Variants in IL1RAPL1 observed in about 807,000 individuals in gnomAD.
IL1RAPL1 encodes the protein interleukin-1 receptor accessory protein-like 1.
A neutral mutation model predicts 48.4 loss-of-function variants in IL1RAPL1; 3 were observed. The observed-to-expected ratio is 0.06, with a 90% CI of 0.03 to 0.16. The LOEUF (loss-of-function observed/expected upper bound fraction) is 0.16, where lower values mean the gene tolerates loss of function less well. Among genes scored for constraint, IL1RAPL1 ranks in the 10% least tolerant of loss-of-function variants. IL1RAPL1 has a pLI of 1.00. For synonymous variants in IL1RAPL1, 185 were observed against 187.7 expected (o/e 0.99, Z 0.12); for missense variants, 349 against 530.6 (o/e 0.66, Z 3.36).
intron 5 of IL1RAPL1, among the ~76,000 whole-genome samples, chrX:29,539,222 T>C (rs1921349991): frequency 1.8e-5 from 2 of 111,704 alleles, no homozygotes; most frequent in South Asian, 3.8e-4. Flanking sequence ...CAAGATCAAG[T>C]AGATTTCATT....
intron 9 of IL1RAPL1, among the ~76,000 whole-genome samples, chrX:29,951,654 G>A (rs918299148): frequency 1.2e-4 from 13 of 111,844 alleles, no homozygotes; most frequent in East Asian, 2.8e-4. Context: ...TAGGTGGAAC[G>A]CGCATCTGAA....
chrX:29,313,771 G>A (rs989619985), intron 3 of IL1RAPL1, among the ~76,000 whole-genome samples: 20 of 111,734 alleles, frequency 1.8e-4, no homozygotes, highest in African/African-American at 5.9e-4. Flanking sequence ...ATCTCCTCCC[G>A]CAACTCTGCC....
chrX:28,706,427 T>G (rs915031081), intron 1 of IL1RAPL1, among the ~76,000 whole-genome samples: 1 of 110,775 alleles, frequency 9.0e-6, no homozygotes, highest in African/African-American at 3.3e-5. Flanking sequence ...TTTCTTTTTT[T>G]TTTTTGAGAC....
chrX:29,750,381 A>G (rs1453576670), intron 6 of IL1RAPL1, among the ~76,000 whole-genome samples: 1 of 110,997 alleles, frequency 9.0e-6, no homozygotes, highest in African/African-American at 3.3e-5. Flanking sequence ...ATTGTGAGTA[A>G]GTGGTTATAT....
At chrX:28,992,502 G>GAAAAAAAAAAAAAAAAAAAAA (rs60650174) in intron 2 of IL1RAPL1, among the ~76,000 whole-genome samples, 1 of 49,575 alleles carries the variant, frequency 2.0e-5, no homozygotes, top group Non-Finnish European at 3.8e-5. Flanking sequence ...AAAAAAAAAA[G>GAAAAAAAAAAAAAAAAAAAAA]AAAAAAAAAA....
At chrX:29,566,280 A>T (rs1223606833) in intron 5 of IL1RAPL1, among the ~76,000 whole-genome samples, 1 of 112,004 alleles carries the variant, frequency 8.9e-6, no homozygotes, top group African/African-American at 3.3e-5. Context: ...AAATGATATG[A>T]AATATTTATG....
At chrX:28,722,538 C>G (rs1287276361) in intron 1 of IL1RAPL1, among the ~76,000 whole-genome samples, 1 of 111,291 alleles carries the variant, frequency 9.0e-6, no homozygotes, top group Non-Finnish European at 1.9e-5. Context: ...CATCTGCAAA[C>G]AGGGACAATT....
intron 5 of IL1RAPL1, among the ~76,000 whole-genome samples, chrX:29,429,882 G>A (rs1418629136): frequency 2.2e-5 from 2 of 89,529 alleles, no homozygotes; most frequent in South Asian, 6.0e-4. Context: ...GTATATATAT[G>A]TGTGTGTGTG....
intron 3 of IL1RAPL1, among the ~76,000 whole-genome samples, chrX:29,291,636 C>T: frequency 9.0e-6 from 1 of 110,712 alleles, no homozygotes; most frequent in Non-Finnish European, 1.9e-5. Flanking sequence ...ACTCCCACTT[C>T]TTAATTAGGG....
chrX:29,097,426 G>C (rs2147461003), intron 2 of IL1RAPL1, among the ~76,000 whole-genome samples: 1 of 111,993 alleles, frequency 8.9e-6, no homozygotes, highest in South Asian at 3.7e-4. Context: ...TGTCTTAAAA[G>C]CATACACGAG....
chrX:29,669,807 G>A (rs1926096464), intron 6 of IL1RAPL1, among the ~76,000 whole-genome samples: 1 of 111,538 alleles, frequency 9.0e-6, no homozygotes, highest in Non-Finnish European at 1.9e-5. Context: ...CACATATGAA[G>A]CAAATAGGTG....
At chrX:29,029,035 C>T (rs1429979963) in intron 2 of IL1RAPL1, among the ~76,000 whole-genome samples, 2 of 111,437 alleles carry the variant, frequency 1.8e-5, no homozygotes, top group Non-Finnish European at 3.8e-5. Flanking sequence ...TGGTGGAAGG[C>T]AAAGGGGCAG....
chrX:29,010,212 C>A (rs1488271357), intron 2 of IL1RAPL1, among the ~76,000 whole-genome samples: 1 of 111,903 alleles, frequency 8.9e-6, no homozygotes, highest in Non-Finnish European at 1.9e-5. Flanking sequence ...TTGACTTCTT[C>A]TTTTCCTATT....
At chrX:29,278,000 A>T (rs1443915802) in intron 2 of IL1RAPL1, among the ~76,000 whole-genome samples, 1 of 111,860 alleles carries the variant, frequency 8.9e-6, no homozygotes, top group African/African-American at 3.2e-5. Flanking sequence ...GGCACTCAAA[A>T]AGTTTTGAAT....
intron 2 of IL1RAPL1, among the ~76,000 whole-genome samples, chrX:28,961,380 A>G (rs1256045446): frequency 5.4e-5 from 6 of 111,146 alleles, no homozygotes; most frequent in Non-Finnish European, 7.5e-5. Flanking sequence ...TGTGCTGATC[A>G]TGCAGGTTTG....
Position 29,350,191 on chromosome X carries a change from T to TTATATATATATATA in IL1RAPL1, c.363-46047_363-46034dup, listed in dbSNP as rs397897010. 2.1e-3 allele frequency among the ~76,000 whole-genome samples: 84 copies of TTATATATATATATA among 39,418 alleles called. 5 individuals are homozygous for TTATATATATATATA. The highest frequency in any genetic ancestry group is 0.012 in the African/African-American group (71 of 5,748). 34.2% of individuals were successfully genotyped at this position (39,418 alleles called of 115,157 possible). ...CTCCCTTGGTCTACATACTGTTATT[T>TTATATATATATATA]TATATATATATATATATATATATAT... On this transcript the variant is annotated intron_variant, in intron 3 of 10. Coordinates refer to ENST00000378993, the MANE Select transcript of IL1RAPL1 (RefSeq NM_014271.4).
At chrX:29,646,023 A>G (rs183566204) in intron 5 of IL1RAPL1, among the ~76,000 whole-genome samples, 1 of 112,234 alleles carries the variant, frequency 8.9e-6, no homozygotes, top group East Asian at 2.8e-4. Context: ...ACATTGATTC[A>G]TGACTACAAG....
At chrX:28,685,629 G>T (rs1206279946) in intron 1 of IL1RAPL1, among the ~76,000 whole-genome samples, 1 of 111,532 alleles carries the variant, frequency 9.0e-6, no homozygotes, top group Non-Finnish European at 1.9e-5. Context: ...ATAGTATAAG[G>T]TTTGTCATCT....
chrX:28,760,706 C>T (rs1936160537), intron 1 of IL1RAPL1, among the ~76,000 whole-genome samples: 1 of 111,902 alleles, frequency 8.9e-6, no homozygotes, highest in Non-Finnish European at 1.9e-5. Flanking sequence ...GAAAAAAATG[C>T]TCAACATCAC....
Sources: gnomAD v4.1 joint callset for allele counts (sites outside exome capture counted in the v4.1 genomes callset) on GRCh38, gnomAD v4.1.1 for gene constraint, MANE v1.5 for transcripts, NCBI Gene and HGNC (gene_info 2026-07-23, HGNC 2026-07-21) for gene names.